MAP2K2: variants seen among roughly 807,000 people sequenced by gnomAD.
MAP2K2 encodes the protein mitogen-activated protein kinase kinase 2.
MAP2K2 carries 24 observed loss-of-function variants against 43.7 expected under a neutral mutation model. The observed-to-expected ratio is 0.55, with a 90% CI of 0.40 to 0.77. MAP2K2 has a LOEUF of 0.77. Among genes scored for constraint, MAP2K2 ranks in the 30% least tolerant of loss-of-function variants. The pLI, the probability that MAP2K2 is intolerant of heterozygous loss-of-function variation, is 0.00. For missense variants in MAP2K2, 470 were observed against 566.8 expected, an observed-to-expected ratio of 0.83 and a Z score of 1.73; for synonymous variants, 244 against 239.7, an observed-to-expected ratio of 1.02 and a Z score of -0.17.
At chr19:4,117,082 C>T (rs1480640234) in intron 2 of MAP2K2, among the ~76,000 whole-genome samples, 1 of 152,242 alleles carries the variant, frequency 6.6e-6, no homozygotes, top group African/African-American at 2.4e-5. Context: ...CACACACACG[C>T]TTCGTCTTCA....
At chr19:4,111,685 T>A (rs1024745998) in intron 2 of MAP2K2, among the ~76,000 whole-genome samples, 5 of 152,226 alleles carry the variant, frequency 3.3e-5, no homozygotes, top group Non-Finnish European at 7.3e-5. Context: ...GCCTGGTGTG[T>A]GGCTCACGCC....
At chr19:4,099,445 GA>G in intron 6 of MAP2K2, 31 bp from the exon 7 acceptor site, 1 of 1,556,416 alleles carries the variant, frequency 6.4e-7, no homozygotes, top group Non-Finnish European at 8.7e-7. Flanking sequence ...AAAGAGCCCA[GA>G]GGGGCGAGGA....
intron 7 of MAP2K2, among the ~76,000 whole-genome samples, chr19:4,098,133 T>A (rs2040947465): frequency 1.3e-5 from 2 of 151,988 alleles, no homozygotes; most frequent in African/African-American, 4.8e-5. Context: ...GGACCCAGGC[T>A]CTGACACGCA....
In MAP2K2 at chr19:4,090,661, G is replaced by A. The variant is rs146618055; in HGVS notation, c.1140C>T (p.Ala380=). 2.7e-4 allele frequency: 428 copies of A among 1,559,242 alleles called. No individual in the cohort carries two copies. The highest frequency in any genetic ancestry group is 6.7e-4 in the African/African-American group (49 of 73,606). Residue 380 remains alanine, a synonymous_variant, in exon 11 of 11, where the codon GCC becomes GCT. Transcript: ENST00000262948. ...KRSEVEEVDF[A]GWLCKTLRLN... is the part of the protein sequence containing the mutation. ...GCCGCAGGGTTTTACACAACCAGCCGGCAAAATCCACTTCTTCCACCTCGG... is the reference window on the plus strand; with the variant it reads ...GCCGCAGGGTTTTACACAACCAGCCAGCAAAATCCACTTCTTCCACCTCGG...
chr19:4,110,666 A>G lies in MAP2K2; in HGVS notation c.304-11T>C, dbSNP rs2145070456. ...CTCAAGGTGGATCAGCTGCAAGGGG[A>G]GAGGGGCGAGACTGGCTTGGGGGGT... On this transcript the variant is annotated splice_polypyrimidine_tract_variant and intron_variant, in intron 2 of 10. Transcript: ENST00000262948. The G allele has an allele frequency of 2.5e-6, 4 of 1,610,386 alleles. No homozygotes were observed. Among genetic ancestry groups the G allele is most frequent in the Non-Finnish European group, 3.4e-6 (4 of 1,178,938 alleles).
At chr19:4,104,961 C>T (rs2041064718) in intron 3 of MAP2K2, among the ~76,000 whole-genome samples, 1 of 152,212 alleles carries the variant, frequency 6.6e-6, no homozygotes, top group South Asian at 2.1e-4. Flanking sequence ...CACACATCCC[C>T]AGACAGTGCC....
intron 1 of MAP2K2, among the ~76,000 whole-genome samples, chr19:4,121,821 C>A (rs1419704597): frequency 2.2e-5 from 1 of 44,704 alleles, no homozygotes; most frequent in Admixed American, 1.8e-4. Context: ...AGAACTCCCA[C>A]CCTGACCCCC....
At chr19:4,114,240 G>A (rs897375101) in intron 2 of MAP2K2, among the ~76,000 whole-genome samples, 2 of 152,206 alleles carry the variant, frequency 1.3e-5, no homozygotes, top group African/African-American at 4.8e-5. Context: ...GCAGATCCAA[G>A]AGGGTTCGAA....
rs1474924927 is a variant in MAP2K2, at chr19:4,117,744, TGAG to T, written c.93-118_93-116del. 3 of 902,842 alleles carry T rather than the reference TGAG, an allele frequency of 3.3e-6. 1 individual carries two copies. The highest frequency in any genetic ancestry group is 2.2e-4 in the Middle Eastern group (1 of 4,448). 55.9% of individuals were successfully genotyped at this position (902,842 alleles called of 1,614,324 possible). A position where few individuals can be genotyped will look rare whatever the true frequency, so the allele number is the denominator to read the frequency against. On this transcript the variant is annotated intron_variant, in intron 1 of 10. Coordinates refer to ENST00000262948, the MANE Select transcript of MAP2K2 (RefSeq NM_030662.4). ...AGGACACAGACTGGATTCCTGCACT[TGAG>T]GGGTTCATGGTGTAGAAGGAAAGGA...
intron 3 of MAP2K2, among the ~76,000 whole-genome samples, chr19:4,105,240 C>T (rs374791778): frequency 3.4e-5 from 5 of 145,440 alleles, no homozygotes; most frequent in African/African-American, 1.0e-4. Context: ...AATTTTGTTA[C>T]GTAGGTAGTA....
rs2041010742 is a variant in MAP2K2 at position 4,101,466 on chromosome 19, C to T, written c.529-186G>A. ...CAGAGACGAGACAGTGCTGACAGCC[C>T]TGTGCTGGCGTGTGCAAGTCAACCC... is the stretch of plus-strand genomic sequence containing the variant. On this transcript the variant is annotated intron_variant, in intron 4 of 10. Coordinates refer to ENST00000262948, the MANE Select transcript of MAP2K2 (RefSeq NM_030662.4). The surrounding 1 kb of genome is among the most constrained non-coding windows in gnomAD (Gnocchi z 6.3). Among the ~76,000 whole-genome samples the T allele has an allele frequency of 1.3e-5, 2 of 152,198 alleles. No individual in the cohort carries two copies. Among genetic ancestry groups the T allele is most frequent in the African/African-American group, 2.4e-5 (1 of 41,448 alleles).
rs2145080411 is a variant in MAP2K2, at chr19:4,117,534, T to C, written c.188A>G (p.Lys63Arg). 6.2e-7 allele frequency: 1 copy of C among 1,614,190 alleles called. No individual in the cohort carries two copies. The highest frequency in any genetic ancestry group is 1.1e-5 in the South Asian group (1 of 91,092). ...RLEAFLTQKA[K>R]VGELKDDDFE... ...GTCATCGTCTTTGAGTTCGCCGACC[T>C]TGGCTTTCTGGGTGAGAAAGGCTTC... The change falls in exon 2 of 11, where the codon AAG becomes AGG. Residue 63 changes from lysine (K) to arginine (R), a missense_variant. Around this residue, in one of 3 missense-constraint regions of MAP2K2, gnomAD observed 200 missense variants for 297.9 expected, o/e 0.67. Coordinates refer to ENST00000262948, the MANE Select transcript of MAP2K2 (RefSeq NM_030662.4).
intron 6 of MAP2K2, chr19:4,099,850 GC>G (rs1336301257): frequency 1.6e-5 from 4 of 243,452 alleles, no homozygotes; most frequent in African/African-American, 9.0e-5. Flanking sequence ...AGTGGCCCAT[GC>G]CTGTAATCCC....
chr19:4,107,464 C>T (rs1157556123), intron 3 of MAP2K2, among the ~76,000 whole-genome samples: 2 of 139,286 alleles, frequency 1.4e-5, no homozygotes, highest in Non-Finnish European at 3.0e-5. Context: ...GTGGAGCTTG[C>T]AGTGAGCCAA....
chr19:4,111,144 G>T lies in MAP2K2; in HGVS notation c.304-489C>A, dbSNP rs1020515226. Among the ~76,000 whole-genome samples, 3 of 152,162 alleles carry T rather than the reference G, an allele frequency of 2.0e-5. No homozygotes were observed. The East Asian group carries it at 5.8e-4, about 29-fold the overall frequency. On this transcript the variant is annotated intron_variant, in intron 2 of 10. Coordinates refer to ENST00000262948, the MANE Select transcript of MAP2K2 (RefSeq NM_030662.4). The stretch of plus-strand genomic sequence containing the variant: ...TGCCGGGGGCTGGAGGAGGGGATGG[G>T]GGTGACTGCTGATGTGGACAGGGTT...
rs775366026 is a variant in MAP2K2 at position 4,102,921 on chromosome 19, G to A, written c.451-468C>T. ...ACGAAGGGAAGGGGAGGGTGAGGGC[G>A]CGGAGGAGACGCGGGTGCTGCCCCG... On this transcript the variant is annotated intron_variant, in intron 3 of 10. Coordinates refer to ENST00000262948, the MANE Select transcript of MAP2K2 (RefSeq NM_030662.4). The A allele has an allele frequency of 2.5e-4, 282 of 1,146,072 alleles. No individual in the cohort carries two copies. The East Asian group carries it at 4.9e-3, about 20-fold the overall frequency. 71.0% of individuals were successfully genotyped at this position (1,146,072 alleles called of 1,614,324 possible).
intron 2 of MAP2K2, among the ~76,000 whole-genome samples, chr19:4,111,987 C>CAAA (rs201773373): frequency 1.5e-4 from 22 of 151,598 alleles, no homozygotes; most frequent in African/African-American, 3.7e-4. Flanking sequence ...ACAACAACAA[C>CAAA]AACAACAACA....
chr19:4,100,864 G>GGGGAGAGCTGCGC lies in MAP2K2; in HGVS notation c.705+142_705+154dup. 3 of 858,402 alleles carry GGGGAGAGCTGCGC rather than the reference G, an allele frequency of 3.5e-6. No individual in the cohort carries two copies. In the South Asian group the frequency reaches 4.9e-5, roughly 14 times the overall value. 53.2% of individuals were successfully genotyped at this position (858,402 alleles called of 1,614,324 possible). ...TAGTTGGGAAAGCCTCGTGGGAGGC[G>GGGGAGAGCTGCGC]GGGAGAGCTGCGCAGGAGAACTGGG... On this transcript the variant is annotated intron_variant, in intron 6 of 10. Coordinates refer to ENST00000262948, the MANE Select transcript of MAP2K2 (RefSeq NM_030662.4).
Position 4,090,613 on chromosome 19 carries a change from C to G in MAP2K2, c.1188G>C (p.Thr396=). ...TLRLNQPGTP[T]RTAV is the part of the protein sequence containing the mutation. Reference sequence around the variant, plus strand: ...CCGGCCACTGTCACACGGCGGTGCGCGTGGGTGTGCCGGGCTGGTTCAGCC... The same window carrying G: ...CCGGCCACTGTCACACGGCGGTGCGGGTGGGTGTGCCGGGCTGGTTCAGCC... The change falls in exon 11 of 11, where the codon ACG becomes ACC. Residue 396 remains threonine (T), a synonymous_variant. Coordinates refer to ENST00000262948, the MANE Select transcript of MAP2K2 (RefSeq NM_030662.4). 2 of 1,551,826 alleles carry G rather than the reference C, an allele frequency of 1.3e-6. No individual in the cohort carries two copies. Among genetic ancestry groups the G allele is most frequent in the East Asian group, 4.9e-5 (2 of 41,058 alleles).
Sources: allele counts gnomAD v4.1 joint callset (sites outside exome capture counted in the v4.1 genomes callset), GRCh38; gene constraint gnomAD v4.1.1; regional missense constraint gnomAD v4.1.1; non-coding constraint Gnocchi (gnomAD v3.1); transcripts MANE v1.5; gene names NCBI Gene and HGNC (gene_info 2026-07-23, HGNC 2026-07-21).